Variants in NAALADL2 observed in about 807,000 individuals in gnomAD.
NAALADL2 encodes inactive N-acetylated-alpha-linked acidic dipeptidase-like protein 2.
A neutral mutation model predicts 87.2 loss-of-function variants in NAALADL2; 76 were observed. The observed-to-expected ratio is 0.87, with a 90% CI of 0.72 to 1.05. The LOEUF (loss-of-function observed/expected upper bound fraction) is 1.05. Ranked by LOEUF, NAALADL2 falls within the 50% of genes least tolerant of loss-of-function variation. NAALADL2 has a pLI of 0.00. For missense variants in NAALADL2, 1,089 were observed against 945.8 expected (o/e 1.15, Z -1.99); for synonymous variants, 354 against 331.0 (o/e 1.07, Z -0.75).
At chr3:175,793,158 T>C (rs1442767684) in intron 13 of NAALADL2, among the ~76,000 whole-genome samples, 1 of 152,158 alleles carries the variant, frequency 6.6e-6, no homozygotes, top group Non-Finnish European at 1.5e-5. Context: ...CATGGGGAAC[T>C]ACCTCTGGAA....
intron 1 of NAALADL2, among the ~76,000 whole-genome samples, chr3:174,534,409 T>A (rs1435720486): frequency 6.6e-6 from 1 of 152,234 alleles, no homozygotes; most frequent in African/African-American, 2.4e-5. Flanking sequence ...TTTACATAAT[T>A]CCAGATATTG....
intron 5 of NAALADL2, among the ~76,000 whole-genome samples, chr3:175,373,212 A>C (rs1766711512): frequency 1.3e-5 from 2 of 152,204 alleles, no homozygotes; most frequent in South Asian, 4.1e-4. Context: ...TAAATGTAAA[A>C]TTTGTTGAGT....
rs147463529 is a variant in NAALADL2, at chr3:175,211,201, C to A, written c.546-22730C>A. On this transcript the variant is annotated intron_variant, in intron 2 of 13. Coordinates refer to ENST00000454872, the MANE Select transcript of NAALADL2 (RefSeq NM_207015.3). The stretch of plus-strand genomic sequence containing the variant: ...AAAGTGATACACATTTTAATTTAAT[C>A]TATTGAAACTGCCTTGGAAAAACAC... Among the ~76,000 whole-genome samples, 759 of 151,920 alleles carry A rather than the reference C, an allele frequency of 5.0e-3. 10 individuals are homozygous for A. The highest frequency in any genetic ancestry group is 0.017 in the African/African-American group (697 of 41,528).
intron 13 of NAALADL2, among the ~76,000 whole-genome samples, chr3:175,790,151 T>C (rs545115939): frequency 6.6e-6 from 1 of 152,318 alleles, no homozygotes; most frequent in East Asian, 1.9e-4. Flanking sequence ...ACTTGGTTTA[T>C]ATATGCATTG....
intron 2 of NAALADL2, among the ~76,000 whole-genome samples, chr3:175,161,036 T>G: frequency 6.6e-6 from 1 of 152,088 alleles, no homozygotes; most frequent in East Asian, 1.9e-4. Context: ...TGCAAAAATT[T>G]TACAAAAAAG....
intron 4 of NAALADL2, among the ~76,000 whole-genome samples, chr3:175,323,681 A>G (rs1048705260): frequency 2.7e-5 from 4 of 150,820 alleles, no homozygotes; most frequent in African/African-American, 9.7e-5. Context: ...AGGCCAGTAG[A>G]AAAAGCTTCT....
In NAALADL2 at chr3:175,755,231, A is replaced by G; in HGVS notation, c.2002A>G (p.Asn668Asp). The part of the protein sequence containing the change: ...VQNNLKGDQP[N>D]THQLLAMALR... ...TTTATCTTCACCAGGTGATCAACCCAACACTCATCAACTGTTAGCCATGGC... is the reference window on the plus strand; with the variant it reads ...TTTATCTTCACCAGGTGATCAACCCGACACTCATCAACTGTTAGCCATGGC... Residue 668 changes from asparagine (N) to aspartate (D), a missense_variant, in exon 13 of 14, where the codon AAC (asparagine) becomes GAC (aspartate). Physicochemically the swap from Asn to Asp is conservative, Grantham distance 23. Coordinates refer to ENST00000454872, the MANE Select transcript of NAALADL2 (RefSeq NM_207015.3). 6.2e-7 allele frequency: 1 copy of G among 1,612,730 alleles called. No individual in the cohort carries two copies. The highest frequency in any genetic ancestry group is 1.7e-5 in the Admixed American group (1 of 59,968).
intron 13 of NAALADL2, among the ~76,000 whole-genome samples, chr3:175,796,265 A>C (rs1753483785): frequency 6.6e-6 from 1 of 152,128 alleles, no homozygotes. Flanking sequence ...GCCCAAACCA[A>C]ATTCAAGAGG....
intron 1 of NAALADL2, among the ~76,000 whole-genome samples, chr3:174,518,567 C>T (rs1260102068): frequency 2.0e-5 from 3 of 152,082 alleles, no homozygotes; most frequent in Non-Finnish European, 2.9e-5. Context: ...TTCAAAGATT[C>T]TTCATTAACC....
In NAALADL2 at chr3:175,648,962, A is replaced by G. The variant is rs553530445; in HGVS notation, c.1896+21576A>G. ...AGAAATAAAAAATTAAGTGTTTTTA[A>G]TGCTGGTGAATATATCTGTCCTGCC... On this transcript the variant is annotated intron_variant, in intron 11 of 13. Coordinates refer to ENST00000454872, the MANE Select transcript of NAALADL2 (RefSeq NM_207015.3). Among the ~76,000 whole-genome samples the G allele has an allele frequency of 2.6e-5, 4 of 152,322 alleles. No homozygotes were observed. The South Asian group carries it at 6.2e-4, about 24-fold the overall frequency.
chr3:174,835,658 AAAACT>A (rs763651424), intron 3 of NAALADL2, among the ~76,000 whole-genome samples: 4 of 150,496 alleles, frequency 2.7e-5, no homozygotes, highest in Non-Finnish European at 4.5e-5. Flanking sequence ...TCAAAAACAG[AAAACT>A]AAACAATCTG....
At chr3:175,328,035 G>A (rs1490144533) in intron 5 of NAALADL2, among the ~76,000 whole-genome samples, 1 of 152,272 alleles carries the variant, frequency 6.6e-6, no homozygotes, top group East Asian at 1.9e-4. Context: ...GGAATGTCAA[G>A]GTCTTTTACT....
intron 10 of NAALADL2, among the ~76,000 whole-genome samples, chr3:175,602,639 C>T (rs114751317): frequency 7.2e-4 from 109 of 152,064 alleles, no homozygotes; most frequent in Non-Finnish European, 1.4e-3. Flanking sequence ...CTTTAAAGCA[C>T]CAGTAGATAT....
At chr3:175,496,378 A>G (rs1560651752) in intron 9 of NAALADL2, among the ~76,000 whole-genome samples, 5 of 151,494 alleles carry the variant, frequency 3.3e-5, no homozygotes, top group African/African-American at 1.2e-4. Context: ...TATCTTTTTT[A>G]TTTTAAAAAA....
chr3:175,394,464 C>T (rs535523527), intron 5 of NAALADL2, among the ~76,000 whole-genome samples: 1 of 152,214 alleles, frequency 6.6e-6, no homozygotes, highest in South Asian at 2.1e-4. Flanking sequence ...ATCACATATG[C>T]CTCATGAATA....
At chr3:175,327,986 C>T (rs191586518) in intron 5 of NAALADL2, among the ~76,000 whole-genome samples, 2 of 152,152 alleles carry the variant, frequency 1.3e-5, no homozygotes, top group African/African-American at 2.4e-5. Flanking sequence ...GGAATCTTTG[C>T]GGAATTATTA....
intron 2 of NAALADL2, among the ~76,000 whole-genome samples, chr3:174,731,321 G>T (rs1300517389): frequency 1.3e-5 from 2 of 152,008 alleles, no homozygotes; most frequent in East Asian, 3.9e-4. Context: ...ATCTATTTTT[G>T]GATAGGTTTT....
intron 2 of NAALADL2, among the ~76,000 whole-genome samples, chr3:174,563,149 T>C (rs972466600): frequency 1.3e-5 from 2 of 151,938 alleles, no homozygotes; most frequent in African/African-American, 4.8e-5. Context: ...ATCTATAAAA[T>C]TAAGATTTTT....
intron 2 of NAALADL2, among the ~76,000 whole-genome samples, chr3:174,702,220 A>G (rs1052606942): frequency 1.3e-5 from 2 of 152,130 alleles, no homozygotes; most frequent in African/African-American, 4.8e-5. Flanking sequence ...TATATCTTCT[A>G]TGGTTAAACA....
Sources: allele counts gnomAD v4.1 joint callset (sites outside exome capture counted in the v4.1 genomes callset), GRCh38; gene constraint gnomAD v4.1.1; transcripts MANE v1.5; gene names NCBI Gene and HGNC (gene_info 2026-07-23, HGNC 2026-07-21).